The following ZNF395 variants were observed in gnomAD, a reference collection of about 807,000 sequenced individuals.
ZNF395 encodes the protein zinc finger protein 395.
A neutral mutation model predicts 57.7 loss-of-function variants in ZNF395; 20 were observed. The ratio of observed to expected loss-of-function variants is 0.35; its 90% CI spans 0.24 to 0.50. The LOEUF (loss-of-function observed/expected upper bound fraction) is 0.50. Ranked by LOEUF, ZNF395 falls within the 20% of genes least tolerant of loss-of-function variation. The pLI, the probability that ZNF395 is intolerant of heterozygous loss-of-function variation, is 0.97. For missense variants in ZNF395, 606 were observed against 671.2 expected (o/e 0.90, Z 1.07); for synonymous variants, 295 against 275.9 (o/e 1.07, Z -0.69).
Position 28,349,124 on chromosome 8 carries a change from C to T in ZNF395, c.1430+1G>A, listed in dbSNP as rs376098742. 2 of 1,565,928 alleles carry T rather than the reference C, an allele frequency of 1.3e-6. No individual in the cohort carries two copies. The highest frequency in any genetic ancestry group is 1.4e-5 in the African/African-American group (1 of 73,194). On this transcript the variant is annotated splice_donor_variant, in intron 9 of 9. Coordinates refer to ENST00000344423, the MANE Select transcript of ZNF395 (RefSeq NM_018660.3). LOFTEE classifies it high-confidence loss of function. ...GCAGGGGACGACAGCGGACATCTCA[C>T]CTGGCACCACTCTGGGCCCGGGGTG...
chr8:28,385,900 C>G (rs1046997099), intron 1 of ZNF395: 2 of 145,192 alleles, frequency 1.4e-5, no homozygotes, highest in African/African-American at 5.0e-5. Flanking sequence ...GACCCCCGGA[C>G]CCCCCAGGCC....
chr8:28,352,694 G>T lies in ZNF395; in HGVS notation c.820-21C>A. On this transcript the variant is annotated intron_variant, in intron 5 of 9. Coordinates refer to ENST00000344423, the MANE Select transcript of ZNF395 (RefSeq NM_018660.3). This position sits in a 1 kb window ranked among gnomAD's most constrained non-coding sequence, Gnocchi z 4.0. ...GAGTTCTACAGGAAAGGAAGACAGG[G>T]TGAGTGGATATGTCTTTCTCCTTAT... is the stretch of plus-strand genomic sequence containing the variant. The T allele has an allele frequency of 6.3e-7, 1 of 1,594,792 alleles. No homozygotes were observed. Among genetic ancestry groups the T allele is most frequent in the South Asian group, 1.1e-5 (1 of 90,634 alleles).
chr8:28,351,962 G>A (rs1026642120), intron 6 of ZNF395, among the ~76,000 whole-genome samples, 155 bp from the exon 7 acceptor site: 2 of 152,204 alleles, frequency 1.3e-5, no homozygotes, highest in African/African-American at 4.8e-5. Flanking sequence ...CCTGACGGGT[G>A]TCACCAGGAT....
chr8:28,348,608 T>TC lies in ZNF395; in HGVS notation c.*110dup. 4 of 943,498 alleles carry TC rather than the reference T, an allele frequency of 4.2e-6. No individual in the cohort carries two copies. The highest frequency in any genetic ancestry group is 6.8e-6 in the Non-Finnish European group (4 of 586,096). 58.4% of individuals were successfully genotyped at this position (943,498 alleles called of 1,614,324 possible). ...ACACCTTAGCCAACAGAGCCCAAAC[T>TC]CCGTGTTTCCGTTCTTTCTCTTTCG... On this transcript the variant is annotated 3_prime_UTR_variant, in exon 10 of 10. Coordinates refer to ENST00000344423, the MANE Select transcript of ZNF395 (RefSeq NM_018660.3).
intron 1 of ZNF395, among the ~76,000 whole-genome samples, chr8:28,366,589 A>G (rs563280365): frequency 7.9e-5 from 12 of 152,328 alleles, no homozygotes; most frequent in African/African-American, 2.2e-4. Flanking sequence ...AGATTCCCAA[A>G]GAATTCATTT....
intron 1 of ZNF395, among the ~76,000 whole-genome samples, chr8:28,369,923 T>G (rs1408262411): frequency 6.6e-6 from 1 of 152,158 alleles, no homozygotes; most frequent in Non-Finnish European, 1.5e-5. Context: ...ATTTGGGGCC[T>G]AAATGAGCTA....
chr8:28,384,988 T>A (rs944678983), intron 1 of ZNF395: 1 of 152,368 alleles, frequency 6.6e-6, no homozygotes, highest in Non-Finnish European at 1.5e-5. Flanking sequence ...CATGTTTCCC[T>A]GTGTTTCGAG....
chr8:28,352,569 A>C lies in ZNF395; in HGVS notation c.920+4T>G, dbSNP rs199879926. 5.2e-4 allele frequency: 834 copies of C among 1,613,848 alleles called. No homozygotes were observed. Among genetic ancestry groups the C allele is most frequent in the Non-Finnish European group, 6.8e-4 (806 of 1,179,808 alleles). On this transcript the variant is annotated splice_donor_region_variant and intron_variant, in intron 6 of 9. Coordinates refer to ENST00000344423, the MANE Select transcript of ZNF395 (RefSeq NM_018660.3). This position sits in a 1 kb window ranked among gnomAD's most constrained non-coding sequence, Gnocchi z 4.0. Reference sequence around the variant, plus strand: ...TAGGCTAGAGGCCCTGGGCTCGCACATACCCCAGATGGAGGGCTTTGACGT... The same window carrying C: ...TAGGCTAGAGGCCCTGGGCTCGCACCTACCCCAGATGGAGGGCTTTGACGT...
chr8:28,359,159 G>A lies in ZNF395; in HGVS notation c.473+433C>T, dbSNP rs1390902167. 2.0e-5 allele frequency among the ~76,000 whole-genome samples: 3 copies of A among 152,214 alleles called. No homozygotes were observed. The highest frequency in any genetic ancestry group is 2.9e-5 in the Non-Finnish European group (2 of 68,034). On this transcript the variant is annotated intron_variant, in intron 3 of 9. Transcript: ENST00000344423. The surrounding 1 kb of genome is among the most constrained non-coding windows in gnomAD (Gnocchi z 4.7). ...AACCTGTAATCCCAGCACGTTGGGA[G>A]GCCAAGGCAGGTGGATCACCAGAGG...
At chr8:28,378,281 G>A (rs917817839) in intron 1 of ZNF395, among the ~76,000 whole-genome samples, 1 of 152,126 alleles carries the variant, frequency 6.6e-6, no homozygotes, top group African/African-American at 2.4e-5. Context: ...CTGGAGTGCA[G>A]TGTGCCACAA....
intron 1 of ZNF395, among the ~76,000 whole-genome samples, chr8:28,374,356 C>T (rs1469592904): frequency 6.6e-6 from 1 of 152,158 alleles, no homozygotes; most frequent in Non-Finnish European, 1.5e-5. Flanking sequence ...GGGGAAGGGA[C>T]TGGGATTAGG....
intron 3 of ZNF395, among the ~76,000 whole-genome samples, chr8:28,358,881 A>G (rs949313391): frequency 1.2e-4 from 18 of 152,242 alleles, no homozygotes; most frequent in African/African-American, 4.1e-4. Context: ...TGGACACCAC[A>G]GCAGAGCTGA....
chr8:28,379,840 G>C, intron 1 of ZNF395, among the ~76,000 whole-genome samples: 1 of 117,224 alleles, frequency 8.5e-6, no homozygotes, highest in African/African-American at 6.3e-5. Flanking sequence ...TAATACAAAC[G>C]TTAAAAAAAA....
intron 1 of ZNF395, among the ~76,000 whole-genome samples, chr8:28,375,803 C>T (rs575869402): frequency 4.1e-4 from 63 of 152,176 alleles, no homozygotes; most frequent in African/African-American, 1.5e-3. Context: ...AATTTAAGAA[C>T]AGCACACCAA....
intron 1 of ZNF395, among the ~76,000 whole-genome samples, chr8:28,374,304 G>A (rs1319041752): frequency 6.6e-6 from 1 of 152,134 alleles, no homozygotes; most frequent in African/African-American, 2.4e-5. Context: ...GAGTATGTGA[G>A]GCATCTGAAG....
rs1169988405 is a variant in ZNF395, at chr8:28,359,741, C to A, written c.324G>T (p.Leu108=). The change falls in exon 3 of 10, where the codon CTG becomes CTT. Residue 108 remains leucine (L), a synonymous_variant. Coordinates refer to ENST00000344423, the MANE Select transcript of ZNF395 (RefSeq NM_018660.3). This position sits in a 1 kb window ranked among gnomAD's most constrained non-coding sequence, Gnocchi z 4.7. Reference sequence around the variant, plus strand: ...AGCAGACCTGCAGCTTCTGCTCCAGCAGCCAGACGGTCACCTGACCCTCCA... The same window carrying A: ...AGCAGACCTGCAGCTTCTGCTCCAGAAGCCAGACGGTCACCTGACCCTCCA... ...SWMEGQVTVW[L]LEQKLQVCCR... 2 of 1,614,124 alleles carry A rather than the reference C, an allele frequency of 1.2e-6. No individual in the cohort carries two copies. Among genetic ancestry groups the A allele is most frequent in the Non-Finnish European group, 1.7e-6 (2 of 1,180,040 alleles).
chr8:28,382,707 C>A (rs1270208372), intron 1 of ZNF395, among the ~76,000 whole-genome samples: 1 of 152,216 alleles, frequency 6.6e-6, no homozygotes, highest in Admixed American at 6.5e-5. Context: ...AAGTCTTCCA[C>A]CCTTCCTCAT....
chr8:28,360,834 T>C, intron 2 of ZNF395, 51 bp downstream of exon 2: 1 of 1,597,310 alleles, frequency 6.3e-7, no homozygotes, highest in Non-Finnish European at 8.5e-7. Flanking sequence ...CCCAGCCCCC[T>C]ACCCCAAGAC....
At position 28,353,786 on chromosome 8, in the gene ZNF395, TAAAGGGGGGATGG is replaced by T. The variant is rs958106571; in HGVS notation, c.584-391_584-379del. Among the ~76,000 whole-genome samples the T allele has an allele frequency of 5.9e-5, 9 of 151,456 alleles. 1 individual carries two copies. Among genetic ancestry groups the T allele is most frequent in the African/African-American group, 2.2e-4 (9 of 41,172 alleles). ...CCTGTTTCTCACTTTATACATTAAA[TAAAGGGGGGATGG>T]GGAGGGGGAAGGGCAAAGCCTCTGC... On this transcript the variant is annotated intron_variant, in intron 4 of 9. Transcript: ENST00000344423.
Sources: allele counts gnomAD v4.1 joint callset (sites outside exome capture counted in the v4.1 genomes callset), GRCh38; gene constraint gnomAD v4.1.1; non-coding constraint Gnocchi (gnomAD v3.1); transcripts MANE v1.5; gene names NCBI Gene and HGNC (gene_info 2026-07-23, HGNC 2026-07-21).